Variants in SPOCK3 observed in about 807,000 individuals in gnomAD.
SPOCK3 encodes testican-3.
In SPOCK3, 30 loss-of-function variants were observed where a neutral mutation model predicts 56.6. The ratio of observed to expected loss-of-function variants is 0.53; its 90% CI spans 0.40 to 0.72. The LOEUF is 0.72. SPOCK3 is among the 30% of genes least tolerant of loss of function. SPOCK3 has a pLI of 0.00. For missense variants in SPOCK3, 527 were observed against 530.0 expected, an observed-to-expected ratio of 0.99 and a Z score of 0.06; for synonymous variants, 196 against 183.3, an observed-to-expected ratio of 1.07 and a Z score of -0.56.
At chr4:167,044,413 C>T (rs1333883948) in intron 3 of SPOCK3, among the ~76,000 whole-genome samples, 1 of 141,936 alleles carries the variant, frequency 7.0e-6, no homozygotes, top group Non-Finnish European at 1.5e-5. Flanking sequence ...TATTGATTTC[C>T]TTTTTTCAAT....
intron 5 of SPOCK3, among the ~76,000 whole-genome samples, chr4:166,889,677 C>G (rs1734566038): frequency 6.6e-6 from 1 of 151,906 alleles, no homozygotes; most frequent in South Asian, 2.1e-4. Flanking sequence ...TAAGTTTTGG[C>G]TACAGAGACT....
At chr4:166,891,074 C>T (rs1321513000) in intron 5 of SPOCK3, among the ~76,000 whole-genome samples, 3 of 152,032 alleles carry the variant, frequency 2.0e-5, no homozygotes, top group East Asian at 3.9e-4. Context: ...AGGATTGCAA[C>T]CCCTTCTTTT....
intron 3 of SPOCK3, among the ~76,000 whole-genome samples, chr4:167,053,834 C>G (rs1395886810): frequency 6.6e-6 from 1 of 152,112 alleles, no homozygotes; most frequent in Non-Finnish European, 1.5e-5. Context: ...CAGAAGGATG[C>G]TGATCTAAGC....
chr4:167,101,462 C>T (rs1759639360), intron 2 of SPOCK3, among the ~76,000 whole-genome samples: 1 of 152,068 alleles, frequency 6.6e-6, no homozygotes, highest in Non-Finnish European at 1.5e-5. Flanking sequence ...CTCTCAGCTG[C>T]TTGTCCTCTT....
intron 6 of SPOCK3, among the ~76,000 whole-genome samples, chr4:166,826,889 T>C (rs1745538891): frequency 6.6e-6 from 1 of 152,090 alleles, no homozygotes; most frequent in South Asian, 2.1e-4. Flanking sequence ...GAGAATCAGA[T>C]TGTCCAGTCT....
chr4:167,056,903 A>G (rs920601072), intron 3 of SPOCK3, among the ~76,000 whole-genome samples: 1 of 152,208 alleles, frequency 6.6e-6, no homozygotes, highest in Non-Finnish European at 1.5e-5. Flanking sequence ...CTAGCAAGGC[A>G]GGCCAACATT....
chr4:167,205,362 T>A (rs1427630425), intron 2 of SPOCK3, among the ~76,000 whole-genome samples: 11 of 36,128 alleles, frequency 3.0e-4, no homozygotes, highest in African/African-American at 1.7e-3. Flanking sequence ...ATATATATAT[T>A]ATATATTTTA....
intron 2 of SPOCK3, among the ~76,000 whole-genome samples, chr4:167,138,109 T>TATCTGAG (rs1763263720): frequency 1.3e-5 from 2 of 151,756 alleles, no homozygotes; most frequent in Non-Finnish European, 3.0e-5. Flanking sequence ...TATTAAAAAG[T>TATCTGAG]CACTTTTTAT....
At chr4:167,170,344 G>A (rs1013642822) in intron 2 of SPOCK3, among the ~76,000 whole-genome samples, 7 of 151,868 alleles carry the variant, frequency 4.6e-5, no homozygotes, top group East Asian at 1.9e-4. Flanking sequence ...ACTTAAAAGC[G>A]CTAAAAATGC....
chr4:166,735,358 G>A (rs1734118767), intron 10 of SPOCK3, among the ~76,000 whole-genome samples: 1 of 152,002 alleles, frequency 6.6e-6, no homozygotes, highest in Admixed American at 6.6e-5. Context: ...TCTCATCCCA[G>A]TTGTTATAGA....
chr4:167,229,046 G>A (rs1442318929), intron 2 of SPOCK3, among the ~76,000 whole-genome samples: 1 of 152,084 alleles, frequency 6.6e-6, no homozygotes, highest in East Asian at 1.9e-4. Context: ...AAATGCCTAT[G>A]TTCTCAACTA....
At chr4:166,911,037 C>T (rs1263038305) in intron 5 of SPOCK3, among the ~76,000 whole-genome samples, 1 of 152,082 alleles carries the variant, frequency 6.6e-6, no homozygotes, top group Non-Finnish European at 1.5e-5. Flanking sequence ...ATTCACTCTC[C>T]CTTGTACTGG....
intron 2 of SPOCK3, among the ~76,000 whole-genome samples, chr4:167,101,326 C>G (rs74916415): frequency 6.6e-6 from 1 of 151,972 alleles, no homozygotes; most frequent in Non-Finnish European, 1.5e-5. Context: ...TAATTATAAC[C>G]TTTTTTAGAC....
At chr4:166,979,093 G>C (rs1455765340) in intron 4 of SPOCK3, among the ~76,000 whole-genome samples, 1 of 152,038 alleles carries the variant, frequency 6.6e-6, no homozygotes, top group Non-Finnish European at 1.5e-5. Flanking sequence ...ACTGCTTTTA[G>C]AAAATATAAG....
At chr4:167,017,772 T>C (rs1394751505) in intron 3 of SPOCK3, among the ~76,000 whole-genome samples, 2 of 152,058 alleles carry the variant, frequency 1.3e-5, no homozygotes, top group African/African-American at 4.8e-5. Flanking sequence ...GCTATTTTGA[T>C]AGCAATGTTT....
chr4:167,129,208 T>C (rs1029393295), intron 2 of SPOCK3, among the ~76,000 whole-genome samples: 1 of 152,194 alleles, frequency 6.6e-6, no homozygotes, highest in Non-Finnish European at 1.5e-5. Context: ...ATCTACTGAA[T>C]AAGTAACTGT....
At chr4:166,952,120 T>C (rs1742722783) in intron 4 of SPOCK3, among the ~76,000 whole-genome samples, 1 of 152,080 alleles carries the variant, frequency 6.6e-6, no homozygotes, top group African/African-American at 2.4e-5. Flanking sequence ...GGGTATTCAA[T>C]TAGGAAAAGA....
At chr4:166,924,642 T>C (rs1738866248) in intron 4 of SPOCK3, among the ~76,000 whole-genome samples, 1 of 152,214 alleles carries the variant, frequency 6.6e-6, no homozygotes, top group South Asian at 2.1e-4. Flanking sequence ...CTGAAAGGCA[T>C]AGAAAGATGA....
chr4:167,002,117 C>T (rs1749007009), intron 3 of SPOCK3, among the ~76,000 whole-genome samples: 2 of 151,938 alleles, frequency 1.3e-5, no homozygotes, highest in Admixed American at 1.3e-4. Context: ...CACCACCATG[C>T]CCAGATAATT....
Sources: allele counts gnomAD v4.1 joint callset (sites outside exome capture counted in the v4.1 genomes callset), GRCh38; gene constraint gnomAD v4.1.1; transcripts MANE v1.5; gene names NCBI Gene and HGNC (gene_info 2026-07-23, HGNC 2026-07-21).